Variants in CHERP observed in about 807,000 individuals in gnomAD.
The protein encoded by CHERP is ERPROT 213-21.
In CHERP, 8 loss-of-function variants were observed where a neutral mutation model predicts 113.8. The ratio of observed to expected loss-of-function variants is 0.07; its 90% CI spans 0.04 to 0.13. The LOEUF is 0.13. CHERP is among the 10% of genes least tolerant of loss of function. The probability of loss-of-function intolerance (pLI) is 1.00; values close to 1 mark genes in which losing one functional copy is unlikely to be tolerated. For missense variants in CHERP, 884 were observed against 1,298.2 expected (o/e 0.68, Z 4.90); for synonymous variants, 559 against 524.5 (o/e 1.07, Z -0.90).
intron 2 of CHERP, among the ~76,000 whole-genome samples, chr19:16,537,371 CG>C (rs1371871197): frequency 2.0e-5 from 3 of 152,132 alleles, no homozygotes; most frequent in African/African-American, 7.2e-5. Context: ...CTCCGCTCTA[CG>C]CAACCGCCGG....
At chr19:16,541,188 C>T (rs1320069090) in intron 2 of CHERP, 7 of 152,154 alleles carry the variant, frequency 4.6e-5, no homozygotes, top group African/African-American at 1.4e-4. Context: ...CGGACAACCA[C>T]CTCTCAATGT....
chr19:16,542,234 A>C (rs564627330), intron 1 of CHERP, 120 bp downstream of exon 1: 1 of 1,110,946 alleles, frequency 9.0e-7, no homozygotes, highest in Admixed American at 3.9e-5. Flanking sequence ...GAGAGGCCGC[A>C]GGCGAAGCCG....
chr19:16,520,860 C>T lies in CHERP; in HGVS notation c.2167G>A (p.Ala723Thr). 6.2e-7 allele frequency: 1 copy of T among 1,613,984 alleles called. No individual in the cohort carries two copies. The highest frequency in any genetic ancestry group is 8.5e-7 in the Non-Finnish European group (1 of 1,180,046). The change falls in exon 13 of 17, where the codon GCC (alanine) becomes ACC (threonine). Residue 723 changes from alanine (A) to threonine (T), a missense_variant. Transcript: ENST00000546361. The surrounding 1 kb of genome is among the most constrained non-coding windows in gnomAD (Gnocchi z 4.0). ...TTCTCCTGGCCTTTCCTCCGCCGGGCCCGCATTTTTGCTCGGAAGAACTCA... is the reference window on the plus strand; with the variant it reads ...TTCTCCTGGCCTTTCCTCCGCCGGGTCCGCATTTTTGCTCGGAAGAACTCA... Reference protein sequence around the residue: ...LYEFFRAKMRARRRKGQEKRN... With the variant: ...LYEFFRAKMRTRRRKGQEKRN...
intron 2 of CHERP, 49 bp downstream of exon 2, chr19:16,541,821 G>A (rs1283234940): frequency 6.3e-7 from 1 of 1,577,948 alleles, no homozygotes; most frequent in Non-Finnish European, 8.6e-7. Context: ...ACTGGAATCC[G>A]AGAAAGGAAG....
At chr19:16,534,938 T>C (rs574075557) in intron 3 of CHERP, among the ~76,000 whole-genome samples, 2 of 152,072 alleles carry the variant, frequency 1.3e-5, no homozygotes, top group South Asian at 4.2e-4. Flanking sequence ...TAGCCGGGTG[T>C]GGTGGTGCAT....
rs1342253895 is a variant in CHERP, at chr19:16,520,021, G to T, written c.2462+128C>A. On this transcript the variant is annotated intron_variant, in intron 15 of 16. Transcript: ENST00000546361. The surrounding 1 kb of genome is among the most constrained non-coding windows in gnomAD (Gnocchi z 4.0). ...GCTACTGTGGTGAAGGGTGAGGGGT[G>T]CCACTGTCCCCGGGCTAATGCTGGC... is the stretch of plus-strand genomic sequence containing the variant. 1 of 975,902 alleles carries T rather than the reference G, an allele frequency of 1.0e-6. No homozygotes were observed. Among genetic ancestry groups the T allele is most frequent in the Non-Finnish European group, 1.6e-6 (1 of 638,206 alleles). 60.5% of individuals were successfully genotyped at this position (975,902 alleles called of 1,614,324 possible).
chr19:16,522,233 C>T (rs2085622499), intron 11 of CHERP, among the ~76,000 whole-genome samples: 1 of 151,446 alleles, frequency 6.6e-6, no homozygotes, highest in Admixed American at 6.6e-5. Context: ...CCCTTGGAGG[C>T]CCCAAGCCCC....
At position 16,530,980 on chromosome 19, in the gene CHERP, C is replaced by T. The variant is rs73514905; in HGVS notation, c.675-100G>A. ...CCAGCCTCAGCGCCCTCTGCCTTCT[C>T]GGGAATCGGGTCCCCAACCCGGTCA... On this transcript the variant is annotated intron_variant, in intron 5 of 16. Transcript: ENST00000546361. This position sits in a 1 kb window ranked among gnomAD's most constrained non-coding sequence, Gnocchi z 4.1. 376 of 1,506,870 alleles carry T rather than the reference C, an allele frequency of 2.5e-4. No homozygotes were observed. The African/African-American group carries it at 4.4e-3, about 18-fold the overall frequency. 93.3% of individuals were successfully genotyped at this position (1,506,870 alleles called of 1,614,324 possible).
intron 2 of CHERP, among the ~76,000 whole-genome samples, chr19:16,538,779 C>G (rs2085757754): frequency 6.6e-6 from 1 of 151,940 alleles, no homozygotes. Flanking sequence ...TTCCAAGTGG[C>G]CACCCCCCCG....
At chr19:16,531,836 G>C (rs1425608114) in intron 5 of CHERP, 11 of 152,338 alleles carry the variant, frequency 7.2e-5, no homozygotes, top group Admixed American at 7.2e-4. Context: ...GATGGGGCGA[G>C]ATGGGTGCTG....
intron 3 of CHERP, among the ~76,000 whole-genome samples, chr19:16,533,442 A>C (rs921331056): frequency 6.6e-6 from 1 of 152,156 alleles, no homozygotes; most frequent in Non-Finnish European, 1.5e-5. Flanking sequence ...AGAGGAACAA[A>C]CAACCTCTGC....
intron 12 of CHERP, chr19:16,521,190 C>T (rs897575039): frequency 1.7e-6 from 1 of 582,194 alleles, no homozygotes; most frequent in Non-Finnish European, 3.1e-6. Context: ...GGAACACTGA[C>T]TCATGGGTGG....
chr19:16,539,200 T>G (rs1222191129), intron 2 of CHERP, among the ~76,000 whole-genome samples: 4 of 145,558 alleles, frequency 2.7e-5, no homozygotes, highest in South Asian at 2.2e-4. Flanking sequence ...CAGGCTGGAG[T>G]GCAGTGGTGC....
In CHERP at chr19:16,529,899, G is replaced by A. The variant is rs2085686812; in HGVS notation, c.878C>T (p.Ala293Val). The A allele has an allele frequency of 3.1e-6, 5 of 1,612,280 alleles. No homozygotes were observed. Among genetic ancestry groups the A allele is most frequent in the Non-Finnish European group, 4.2e-6 (5 of 1,179,264 alleles). The change falls in exon 8 of 17, where the codon GCC becomes GTC. Residue 293 changes from alanine to valine, a missense_variant and splice_region_variant. Ala to Val is a moderately conservative substitution (Grantham distance 64, BLOSUM62 0). Around this residue, in one of 8 missense-constraint regions of CHERP, gnomAD observed 464 missense variants for 590.1 expected, o/e 0.79. Transcript: ENST00000546361. ...SPALGLGQYQ[A>V]TLINEYSSVV... ...TGAGGAGTACTCGTTGATGAGGGTGGCCTGAGAGAGAGAAGAGCACCCGCT... is the reference window on the plus strand; with the variant it reads ...TGAGGAGTACTCGTTGATGAGGGTGACCTGAGAGAGAGAAGAGCACCCGCT...
In CHERP at chr19:16,525,471, G is replaced by T. The variant is rs1192343905; in HGVS notation, c.1512C>A (p.Pro504=). 1 of 1,552,282 alleles carries T rather than the reference G, an allele frequency of 6.4e-7. No homozygotes were observed. The highest frequency in any genetic ancestry group is 2.4e-5 in the East Asian group (1 of 41,154). The change falls in exon 10 of 17, where the codon CCC becomes CCA. Residue 504 remains proline (P), a synonymous_variant. Coordinates refer to ENST00000546361, the MANE Select transcript of CHERP (RefSeq NM_006387.6). The surrounding 1 kb of genome is among the most constrained non-coding windows in gnomAD (Gnocchi z 6.5). ...GPWNSQHEQP[P]WGGGQREPPF... is the part of the protein sequence containing the mutation. The stretch of plus-strand genomic sequence containing the variant: ...GTGGCTCGCGCTGGCCCCCGCCCCA[G>T]GGCGGCTGCTCGTGCTGGCTGTTCC...
At chr19:16,522,194 G>A (rs1182369194) in intron 11 of CHERP, among the ~76,000 whole-genome samples, 3 of 152,058 alleles carry the variant, frequency 2.0e-5, no homozygotes, top group African/African-American at 2.4e-5. Context: ...ATGTGTCTGA[G>A]GGGGTGGGAA....
chr19:16,519,130 G>C lies in CHERP; in HGVS notation c.*29C>G. The C allele has an allele frequency of 6.3e-7, 1 of 1,597,414 alleles. No homozygotes were observed. The highest frequency in any genetic ancestry group is 8.5e-7 in the Non-Finnish European group (1 of 1,172,062). On this transcript the variant is annotated 3_prime_UTR_variant, in exon 17 of 17. Transcript: ENST00000546361. The surrounding 1 kb of genome is among the most constrained non-coding windows in gnomAD (Gnocchi z 6.0). Reference sequence around the variant, plus strand: ...GAAGGTCCCACAGCCGGCACCGCTGGCCACCGGCGCGGCTCCCGGCATGGG... The same window carrying C: ...GAAGGTCCCACAGCCGGCACCGCTGCCCACCGGCGCGGCTCCCGGCATGGG...
chr19:16,527,952 G>C (rs879927186), intron 9 of CHERP, 128 bp downstream of exon 9: 52 of 949,810 alleles, frequency 5.5e-5, no homozygotes, highest in Non-Finnish European at 8.1e-5. Context: ...CCCAGCATAA[G>C]CTCTGCCACA....
rs2085687939 is a variant in CHERP, at chr19:16,530,004, G to A, written c.877-104C>T. The A allele has an allele frequency of 7.6e-6, 11 of 1,441,274 alleles. 1 individual carries two copies. The South Asian group carries it at 1.5e-4, about 19-fold the overall frequency. 89.3% of individuals were successfully genotyped at this position (1,441,274 alleles called of 1,614,324 possible). On this transcript the variant is annotated intron_variant, in intron 7 of 16. Transcript: ENST00000546361. The surrounding 1 kb of genome is among the most constrained non-coding windows in gnomAD (Gnocchi z 4.1). ...AAAGCAGCAGAGCCTGGGGGACCTG[G>A]GGCAGGTGGACAGGGAACCGTCACG...
Sources: allele counts gnomAD v4.1 joint callset (sites outside exome capture counted in the v4.1 genomes callset), GRCh38; gene constraint gnomAD v4.1.1; regional missense constraint gnomAD v4.1.1; non-coding constraint Gnocchi (gnomAD v3.1); transcripts MANE v1.5; gene names NCBI Gene and HGNC (gene_info 2026-07-23, HGNC 2026-07-21).